AGAP1: variants seen among roughly 807,000 people sequenced by gnomAD.
AGAP1 encodes arf-GAP with GTPase, ANK repeat and PH domain-containing protein 1.
A neutral mutation model predicts 105.3 loss-of-function variants in AGAP1; 29 were observed. That is an observed-to-expected ratio of 0.28 (90% CI 0.21 to 0.38). AGAP1 has a LOEUF of 0.38. Ranked by LOEUF, AGAP1 falls within the 10% of genes least tolerant of loss-of-function variation. The pLI is 1.00. For missense variants in AGAP1, 998 were observed against 1,165.1 expected (o/e 0.86, Z 2.09); for synonymous variants, 509 against 485.9 (o/e 1.05, Z -0.63).
In AGAP1 at chr2:236,123,179, T is replaced by G. The variant is rs1266620234; in HGVS notation, c.2371-740T>G. On this transcript the variant is annotated intron_variant, in intron 17 of 17. Transcript: ENST00000304032. This position sits in a 1 kb window ranked among gnomAD's most constrained non-coding sequence, Gnocchi z 4.6. ...GCCTCTGCCTCCTAGGCTCAAGCGA[T>G]CCTCCCACCTCAGCCTCCTGCATAG... Among the ~76,000 whole-genome samples the G allele has an allele frequency of 6.6e-6, 1 of 152,140 alleles. No individual in the cohort carries two copies. Among genetic ancestry groups the G allele is most frequent in the Non-Finnish European group, 1.5e-5 (1 of 68,026 alleles).
rs1024647766 is a variant in AGAP1 at position 235,750,684 on chromosome 2, G to T, written c.673+196G>T. ...TATAAACAGTGCTGTGTTCAGAAGA[G>T]ACAACAAGGCATGGCTTGAGAACAG... is the stretch of plus-strand genomic sequence containing the variant. On this transcript the variant is annotated intron_variant, in intron 6 of 17. Coordinates refer to ENST00000304032, the MANE Select transcript of AGAP1 (RefSeq NM_001037131.3). The surrounding 1 kb of genome is among the most constrained non-coding windows in gnomAD (Gnocchi z 5.3). 1.3e-5 allele frequency among the ~76,000 whole-genome samples: 2 copies of T among 152,196 alleles called. No individual in the cohort carries two copies.
chr2:235,505,447 A>G (rs918825428), intron 1 of AGAP1, among the ~76,000 whole-genome samples: 1 of 152,112 alleles, frequency 6.6e-6, no homozygotes, highest in African/African-American at 2.4e-5. Flanking sequence ...ATTTTGAGGG[A>G]TGGTGGTGGG....
Position 236,036,018 on chromosome 2 carries a change from A to C in AGAP1, c.1646-543A>C, listed in dbSNP as rs1055647800. Among the ~76,000 whole-genome samples, 3 of 151,886 alleles carry C rather than the reference A, an allele frequency of 2.0e-5. No homozygotes were observed. Among genetic ancestry groups the C allele is most frequent in the Non-Finnish European group, 4.4e-5 (3 of 67,966 alleles). Reference sequence around the variant, plus strand: ...GGCCTGTCTCAGCTGAGATCCTCCTAAGGCACGCGGGATCCCATGCACTCT... The same window carrying C: ...GGCCTGTCTCAGCTGAGATCCTCCTCAGGCACGCGGGATCCCATGCACTCT... On this transcript the variant is annotated intron_variant, in intron 13 of 17. Transcript: ENST00000304032. The surrounding 1 kb of genome is among the most constrained non-coding windows in gnomAD (Gnocchi z 5.7).
Position 235,927,013 on chromosome 2 carries a change from A to G in AGAP1, c.1325-3752A>G, listed in dbSNP as rs7583139. Among the ~76,000 whole-genome samples, 8,459 of 152,292 alleles carry G rather than the reference A, an allele frequency of 0.056. 773 individuals are homozygous for G. The highest frequency in any genetic ancestry group is 0.19 in the African/African-American group (7,959 of 41,522). On this transcript the variant is annotated intron_variant, in intron 11 of 17. Coordinates refer to ENST00000304032, the MANE Select transcript of AGAP1 (RefSeq NM_001037131.3). The surrounding 1 kb of genome is among the most constrained non-coding windows in gnomAD (Gnocchi z 4.4). Reference sequence around the variant, plus strand: ...TGATCAACTAAGTAAAAATGTCTCTATGAGCTCAGCCTGGACGTCAGGCGA... The same window carrying G: ...TGATCAACTAAGTAAAAATGTCTCTGTGAGCTCAGCCTGGACGTCAGGCGA...
chr2:235,905,086 G>A lies in AGAP1; in HGVS notation c.1156-3652G>A, dbSNP rs963709826. 5.9e-5 allele frequency among the ~76,000 whole-genome samples: 9 copies of A among 152,034 alleles called. No homozygotes were observed. Among genetic ancestry groups the A allele is most frequent in the South Asian group, 2.1e-4 (1 of 4,814 alleles). ...ATAAATGGGTTCCCTTGCCGCTTTC[G>A]AATCTGGAGAGCAGACACTTGGTAC... On this transcript the variant is annotated intron_variant, in intron 10 of 17. Transcript: ENST00000304032. This position sits in a 1 kb window ranked among gnomAD's most constrained non-coding sequence, Gnocchi z 4.2.
chr2:235,796,408 C>T (rs1957244463), intron 6 of AGAP1, among the ~76,000 whole-genome samples: 1 of 152,138 alleles, frequency 6.6e-6, no homozygotes, highest in African/African-American at 2.4e-5. Flanking sequence ...TGCGATATTC[C>T]TCTGTAATTT....
intron 10 of AGAP1, among the ~76,000 whole-genome samples, chr2:235,895,311 G>A (rs1203125952): frequency 6.6e-6 from 1 of 151,878 alleles, no homozygotes; most frequent in East Asian, 1.9e-4. Context: ...CTTGGTTGAT[G>A]TCCGTGCCCC....
intron 1 of AGAP1, among the ~76,000 whole-genome samples, chr2:235,567,835 A>G (rs1199634366): frequency 6.6e-6 from 1 of 152,020 alleles, no homozygotes; most frequent in African/African-American, 2.4e-5. Flanking sequence ...GAGAGAGGAA[A>G]GGACAAAGAT....
In AGAP1 at chr2:235,740,353, C is replaced by T. The variant is rs1952508929; in HGVS notation, c.311-610C>T. ...AACCCCGCGTGGTCTCTAACGCCTC[C>T]TGTCAGCCGCTGCTCTGCTGTCTCC... On this transcript the variant is annotated intron_variant, in intron 3 of 17. Coordinates refer to ENST00000304032, the MANE Select transcript of AGAP1 (RefSeq NM_001037131.3). The surrounding 1 kb of genome is among the most constrained non-coding windows in gnomAD (Gnocchi z 5.7). 6.6e-6 allele frequency among the ~76,000 whole-genome samples: 1 copy of T among 152,194 alleles called. No individual in the cohort carries two copies. The highest frequency in any genetic ancestry group is 6.5e-5 in the Admixed American group (1 of 15,282).
At position 235,977,148 on chromosome 2, in the gene AGAP1, C is replaced by G. The variant is rs2054895549; in HGVS notation, c.1645+8525C>G. Among the ~76,000 whole-genome samples, 1 of 152,172 alleles carries G rather than the reference C, an allele frequency of 6.6e-6. No individual in the cohort carries two copies. Among genetic ancestry groups the G allele is most frequent in the African/African-American group, 2.4e-5 (1 of 41,450 alleles). On this transcript the variant is annotated intron_variant, in intron 13 of 17. Transcript: ENST00000304032. The surrounding 1 kb of genome is among the most constrained non-coding windows in gnomAD (Gnocchi z 5.2). ...GGCTCCGGCGTCCATCAGCAGAGAA[C>G]TCGGGGCACCGTGTTTTCCTGTGTG... is the stretch of plus-strand genomic sequence containing the variant.
intron 1 of AGAP1, among the ~76,000 whole-genome samples, chr2:235,592,805 G>T (rs536484425): frequency 6.6e-6 from 1 of 152,148 alleles, no homozygotes; most frequent in African/African-American, 2.4e-5. Context: ...GTGAGAGTGC[G>T]GGGTGGCTGC....
At chr2:235,585,995 GAGAAGTGTATTT>G (rs2149199850) in intron 1 of AGAP1, among the ~76,000 whole-genome samples, 1 of 152,300 alleles carries the variant, frequency 6.6e-6, no homozygotes, top group East Asian at 1.9e-4. Flanking sequence ...AGCTGCCACT[GAGAAGTGTATTT>G]AGGCAGGTTC....
intron 11 of AGAP1, among the ~76,000 whole-genome samples, chr2:235,916,036 C>T (rs1384853912): frequency 6.6e-6 from 1 of 152,072 alleles, no homozygotes; most frequent in African/African-American, 2.4e-5. Flanking sequence ...AATTCTGAAC[C>T]TAGAAGCCTA....
At chr2:235,593,000 C>T (rs1295251011) in intron 1 of AGAP1, among the ~76,000 whole-genome samples, 1 of 152,142 alleles carries the variant, frequency 6.6e-6, no homozygotes, top group African/African-American at 2.4e-5. Context: ...GGCTGCTGAG[C>T]TTCTGAAATG....
At position 236,130,039 on chromosome 2, in the gene AGAP1, G is replaced by C. The variant is rs984128534; in HGVS notation, c.*5917G>C. The C allele has an allele frequency of 3.3e-5, 5 of 152,448 alleles. No individual in the cohort carries two copies. The highest frequency in any genetic ancestry group is 3.3e-4 in the Admixed American group (5 of 15,298). The allele number at this position is 152,448 out of a possible 1,614,324, so 9.4% of individuals were successfully genotyped here. A position where few individuals can be genotyped will look rare whatever the true frequency, so the allele number is the denominator to read the frequency against. On this transcript the variant is annotated 3_prime_UTR_variant, in exon 18 of 18. Coordinates refer to ENST00000304032, the MANE Select transcript of AGAP1 (RefSeq NM_001037131.3). This position sits in a 1 kb window ranked among gnomAD's most constrained non-coding sequence, Gnocchi z 5.8. ...CTCTACAGATGGGCCTCAGGGCCTG[G>C]AGGTGGGCAGATGGGGCCAGAGTGG...
rs147947802 is a variant in AGAP1 at position 235,853,097 on chromosome 2, C to A, written c.1051-30248C>A. 8,685 of 1,227,874 alleles carry A rather than the reference C, an allele frequency of 7.1e-3. 38 individuals carry two copies. The highest frequency in any genetic ancestry group is 0.011 in the Middle Eastern group (36 of 3,176). 76.1% of individuals were successfully genotyped at this position (1,227,874 alleles called of 1,614,324 possible). ...AAGGAAATCAATGAGCGTTTACGCT[C>A]TTTCTTTGAGGAACCTTTTTTTAAA... is the stretch of plus-strand genomic sequence containing the variant. On this transcript the variant is annotated intron_variant, in intron 9 of 17. Coordinates refer to ENST00000304032, the MANE Select transcript of AGAP1 (RefSeq NM_001037131.3).
intron 10 of AGAP1, among the ~76,000 whole-genome samples, chr2:235,895,183 A>G (rs79331473): frequency 0.023 from 3,499 of 152,326 alleles, 106 homozygotes; most frequent in African/African-American, 0.08. Flanking sequence ...TATGAAGAAT[A>G]GCGGTTACTC....
rs1337148408 is a variant in AGAP1 at position 235,739,744 on chromosome 2, GC to G, written c.311-1216del. Among the ~76,000 whole-genome samples the G allele has an allele frequency of 6.6e-6, 1 of 152,228 alleles. No individual in the cohort carries two copies. Among genetic ancestry groups the G allele is most frequent in the African/African-American group, 2.4e-5 (1 of 41,462 alleles). ...CCCTCTGTGGCCTCAGAGGGTAGCT[GC>G]CCGTCTGGAGGGCCTCGGACACTTT... On this transcript the variant is annotated intron_variant, in intron 3 of 17. Transcript: ENST00000304032. This position sits in a 1 kb window ranked among gnomAD's most constrained non-coding sequence, Gnocchi z 5.3.
At position 236,038,589 on chromosome 2, in the gene AGAP1, C is replaced by T. The variant is rs1031868145; in HGVS notation, c.1800+1874C>T. Among the ~76,000 whole-genome samples, 1 of 152,184 alleles carries T rather than the reference C, an allele frequency of 6.6e-6. No individual in the cohort carries two copies. Among genetic ancestry groups the T allele is most frequent in the Non-Finnish European group, 1.5e-5 (1 of 68,042 alleles). On this transcript the variant is annotated intron_variant, in intron 14 of 17. Transcript: ENST00000304032. The surrounding 1 kb of genome is among the most constrained non-coding windows in gnomAD (Gnocchi z 4.5). ...AGGTGGCCGACTCAGAGCTGGTCAT[C>T]GTGGGCATTGGTTGAACAGGTGTGA...
Sources: allele counts gnomAD v4.1 joint callset (sites outside exome capture counted in the v4.1 genomes callset), GRCh38; gene constraint gnomAD v4.1.1; non-coding constraint Gnocchi (gnomAD v3.1); transcripts MANE v1.5; gene names NCBI Gene and HGNC (gene_info 2026-07-23, HGNC 2026-07-21).